ANAPC15: variants seen among roughly 807,000 people sequenced by gnomAD.
ANAPC15 encodes the protein anaphase-promoting complex subunit 15.
ANAPC15 carries 13 observed loss-of-function variants against 19.8 expected under a neutral mutation model. That is an observed-to-expected ratio of 0.66 (90% confidence interval 0.43 to 1.04). The LOEUF is 1.04. Among genes scored for constraint, ANAPC15 ranks in the 50% least tolerant of loss-of-function variants. ANAPC15 has a pLI of 0.00. For synonymous variants in ANAPC15, 45 were observed against 50.7 expected, an observed-to-expected ratio of 0.89 and a Z score of 0.47; for missense variants, 88 against 150.3, an observed-to-expected ratio of 0.59 and a Z score of 2.17.
At chr11:72,108,592 CCT>C, downstream of ANAPC15, 1 of 1,445,846 alleles carries the variant, frequency 6.9e-7, no homozygotes. Context: ...TCCAGCTCCC[CCT>C]ATCCCCACAG....
At chr11:72,109,110 C>T, downstream of ANAPC15, 1 of 603,166 alleles carries the variant, frequency 1.7e-6, no homozygotes, top group Non-Finnish European at 2.9e-6. Flanking sequence ...TTCTATCAGG[C>T]TGCTTGGTCT....
At chr11:72,106,385 C>T (rs900829173), downstream of ANAPC15, 12 of 643,808 alleles carry the variant, frequency 1.9e-5, no homozygotes, top group Non-Finnish European at 1.7e-5. Context: ...ATTCAGCAAA[C>T]ATTTATTGCC....
Position 72,112,630 on chromosome 11 carries a change from AGCCTT to A in ANAPC15, c.-96+15_-96+19del, listed in dbSNP as rs1027157882. On this transcript the variant is annotated intron_variant, in intron 1 of 5. Coordinates refer to ENST00000227618, the MANE Select transcript of ANAPC15 (RefSeq NM_014042.3). ...AATGAAGGGGCAAGGAGACGGTTGC[AGCCTT>A]GCGTCTGTACTTACCGCGCCGGGAG... 2 of 455,568 alleles carry A rather than the reference AGCCTT, an allele frequency of 4.4e-6. No homozygotes were observed. The highest frequency in any genetic ancestry group is 4.0e-5 in the African/African-American group (2 of 49,994). The allele number at this position is 455,568 out of a possible 1,614,324, so 28.2% of individuals were successfully genotyped here.
chr11:72,109,429 C>T (rs939460225), downstream of ANAPC15: 26 of 440,746 alleles, frequency 5.9e-5, no homozygotes, highest in African/African-American at 5.3e-4. Context: ...TGGCACAGAA[C>T]CCTGGACCCA....
At position 72,111,164 on chromosome 11, in the gene ANAPC15, TG is replaced by T. The variant is rs771115727; in HGVS notation, c.112del (p.Gln38ArgfsTer55). ...TGCTAGCTGCTCACTCACCCAGGCC[TG>T]ATGCTGCTGTTCCTGCTGCTGCAGC... ...TELQQQEQQHQAWLQSIAEKD... is the reference protein window; with the variant it reads ...TELQQQEQQHXAWLQSIAEKD... On this transcript the variant is annotated frameshift_variant, in exon 3 of 6. Coordinates refer to ENST00000227618, the MANE Select transcript of ANAPC15 (RefSeq NM_014042.3). LOFTEE classifies it high-confidence loss of function. 2 of 1,594,902 alleles carry T rather than the reference TG, an allele frequency of 1.3e-6. No individual in the cohort carries two copies. Among genetic ancestry groups the T allele is most frequent in the Non-Finnish European group, 1.7e-6 (2 of 1,162,654 alleles).
At chr11:72,107,139 T>A (rs1440649256), downstream of ANAPC15, 6 of 394,948 alleles carry the variant, frequency 1.5e-5, no homozygotes, top group Non-Finnish European at 2.7e-5. Flanking sequence ...TGGTGGTGAG[T>A]AACTGTGGTT....
downstream of ANAPC15, chr11:72,108,635 G>T: frequency 6.7e-7 from 1 of 1,495,734 alleles, no homozygotes; most frequent in Non-Finnish European, 9.0e-7. Flanking sequence ...CTCAGAGGAC[G>T]TGATCCCGTG....
downstream of ANAPC15, chr11:72,107,283 AAG>A: frequency 1.7e-6 from 1 of 601,942 alleles, no homozygotes; most frequent in Non-Finnish European, 3.0e-6. Flanking sequence ...AAATAAATAA[AAG>A]TTCATCCAAT....
chr11:72,108,029 TG>T (rs1945876301), downstream of ANAPC15: 1 of 1,551,370 alleles, frequency 6.4e-7, no homozygotes, highest in South Asian at 1.2e-5. Flanking sequence ...CCCTGCCCCC[TG>T]GGGGTCGCCT....
Position 72,109,611 on chromosome 11 carries a change from T to G in ANAPC15, c.*270A>C. The G allele has an allele frequency of 3.5e-6, 2 of 577,120 alleles. No homozygotes were observed. Among genetic ancestry groups the G allele is most frequent in the Non-Finnish European group, 6.2e-6 (2 of 322,586 alleles). The allele number at this position is 577,120 out of a possible 1,614,324, so 35.7% of individuals were successfully genotyped here. On this transcript the variant is annotated 3_prime_UTR_variant, in exon 6 of 6. Coordinates refer to ENST00000227618, the MANE Select transcript of ANAPC15 (RefSeq NM_014042.3). ...GTGGAAAATCACTCCTTTGTCTTTA[T>G]TAAAGAAACTTAGACCAGACCTGGC...
chr11:72,111,741 T>C (rs1947011895), intron 1 of ANAPC15, among the ~76,000 whole-genome samples: 1 of 152,154 alleles, frequency 6.6e-6, no homozygotes, highest in African/African-American at 2.4e-5. Flanking sequence ...TGACCCTTTA[T>C]GATGGCCCAT....
chr11:72,107,574 A>G, downstream of ANAPC15: 1 of 700,706 alleles, frequency 1.4e-6, no homozygotes, highest in Non-Finnish European at 2.6e-6. Context: ...GCTGTGATAC[A>G]GGCCACAGGT....
chr11:72,111,312 GT>G (rs1946857356), intron 2 of ANAPC15, 26 bp from the exon 3 acceptor site: 16 of 1,531,606 alleles, frequency 1.0e-5, no homozygotes, highest in Non-Finnish European at 1.4e-5. Context: ...AAGTGAATGT[GT>G]TTTGCTTTGT....
rs1946177403 is a variant in ANAPC15, at chr11:72,109,754, G to A, written c.*127C>T. The A allele has an allele frequency of 1.1e-5, 13 of 1,141,182 alleles. No individual in the cohort carries two copies. The South Asian group carries it at 1.5e-4, about 14-fold the overall frequency. 70.7% of individuals were successfully genotyped at this position (1,141,182 alleles called of 1,614,324 possible). A position where few individuals can be genotyped will look rare whatever the true frequency, so the allele number is the denominator to read the frequency against. ...AGACCAGATCCTGGCAGCAGCTGAG[G>A]AGGTGCCCAAGGGCACTTTCAGGCA... On this transcript the variant is annotated 3_prime_UTR_variant, in exon 6 of 6. Transcript: ENST00000227618.
Position 72,109,751 on chromosome 11 carries a change from G to C in ANAPC15, c.*130C>G. 1 of 1,113,746 alleles carries C rather than the reference G, an allele frequency of 9.0e-7. No individual in the cohort carries two copies. The highest frequency in any genetic ancestry group is 1.4e-6 in the Non-Finnish European group (1 of 738,442). The allele number at this position is 1,113,746 out of a possible 1,614,324, so 69.0% of individuals were successfully genotyped here. ...AAGAGACCAGATCCTGGCAGCAGCT[G>C]AGGAGGTGCCCAAGGGCACTTTCAG... On this transcript the variant is annotated 3_prime_UTR_variant, in exon 6 of 6. Coordinates refer to ENST00000227618, the MANE Select transcript of ANAPC15 (RefSeq NM_014042.3).
chr11:72,110,484 A>G, intron 4 of ANAPC15, 60 bp downstream of exon 4: 2 of 1,604,638 alleles, frequency 1.2e-6, no homozygotes, highest in Non-Finnish European at 1.7e-6. Flanking sequence ...ATTCAGAATT[A>G]GAGCAGAGCC....
chr11:72,109,303 T>C (rs575033917), downstream of ANAPC15: 3 of 471,388 alleles, frequency 6.4e-6, no homozygotes, highest in East Asian at 1.3e-4. Flanking sequence ...CTCCCAGTTC[T>C]CGGCCTCAGA....
chr11:72,108,024 C>G (rs1288510412), downstream of ANAPC15: 2 of 1,551,568 alleles, frequency 1.3e-6, no homozygotes, highest in East Asian at 2.4e-5. Flanking sequence ...CCGAGCCCTG[C>G]CCCCTGGGGG....
At chr11:72,111,101 T>C in intron 3 of ANAPC15, 56 bp downstream of exon 3, 1 of 1,045,904 alleles carries the variant, frequency 9.6e-7, no homozygotes, top group Non-Finnish European at 1.3e-6. Flanking sequence ...CATGGCCCAC[T>C]GAAGGAGGTC....
Sources: allele counts gnomAD v4.1 joint callset (sites outside exome capture counted in the v4.1 genomes callset), GRCh38; gene constraint gnomAD v4.1.1; transcripts MANE v1.5; gene names NCBI Gene and HGNC (gene_info 2026-07-23, HGNC 2026-07-21).